Variants in MCMBP observed in about 807,000 individuals in gnomAD.
MCMBP encodes the protein mini-chromosome maintenance complex-binding protein.
MCMBP carries 31 observed loss-of-function variants against 81.3 expected under a neutral mutation model. The ratio of observed to expected loss-of-function variants is 0.38; its 90% CI spans 0.29 to 0.51. The LOEUF (loss-of-function observed/expected upper bound fraction) is 0.51. Among genes scored for constraint, MCMBP ranks in the 20% least tolerant of loss-of-function variants. The pLI, the probability that MCMBP is intolerant of heterozygous loss-of-function variation, is 0.87. For synonymous variants in MCMBP, 267 were observed against 275.9 expected, an observed-to-expected ratio of 0.97 and a Z score of 0.32; for missense variants, 645 against 772.1, an observed-to-expected ratio of 0.84 and a Z score of 1.95.
chr10:119,836,009 A>G (rs573691351), intron 13 of MCMBP, among the ~76,000 whole-genome samples: 1 of 152,096 alleles, frequency 6.6e-6, no homozygotes, highest in South Asian at 2.1e-4. Context: ...CTAATTTTGG[A>G]TTTTTTGTAG....
At chr10:119,835,457 C>T in intron 14 of MCMBP, 83 bp downstream of exon 14, 1 of 1,177,634 alleles carries the variant, frequency 8.5e-7, no homozygotes, top group Non-Finnish European at 1.2e-6. Context: ...ACAAAATTAC[C>T]TTATCAGTAA....
At chr10:119,837,267 T>C (rs1852281577) in intron 12 of MCMBP, among the ~76,000 whole-genome samples, 1 of 152,166 alleles carries the variant, frequency 6.6e-6, no homozygotes, top group Non-Finnish European at 1.5e-5. Flanking sequence ...GCATCTGGTA[T>C]GCACCTAGAC....
chr10:119,855,600 G>A (rs1173079161), intron 5 of MCMBP, among the ~76,000 whole-genome samples: 1 of 152,086 alleles, frequency 6.6e-6, no homozygotes, highest in East Asian at 1.9e-4. Flanking sequence ...GAACCTGGCA[G>A]GCTGAGGTTG....
At chr10:119,838,185 T>C (rs1308232087) in intron 12 of MCMBP, among the ~76,000 whole-genome samples, 3 of 150,328 alleles carry the variant, frequency 2.0e-5, no homozygotes, top group African/African-American at 7.3e-5. Context: ...TGCTCCATTA[T>C]ACTAATACTA....
intron 1 of MCMBP, among the ~76,000 whole-genome samples, chr10:119,869,359 G>A (rs1853584288): frequency 6.6e-6 from 1 of 152,186 alleles, no homozygotes; most frequent in African/African-American, 2.4e-5. Flanking sequence ...GGATCACTAG[G>A]TCAGGAGTTC....
chr10:119,858,218 T>C (rs1227903590), intron 4 of MCMBP: 1 of 152,238 alleles, frequency 6.6e-6, no homozygotes, highest in Non-Finnish European at 1.5e-5. Context: ...ATAAAATAGA[T>C]GAGGCTGTCC....
At chr10:119,868,270 A>G (rs566643772) in intron 1 of MCMBP, among the ~76,000 whole-genome samples, 4 of 152,256 alleles carry the variant, frequency 2.6e-5, no homozygotes, top group African/African-American at 9.6e-5. Context: ...TATTAAAAAT[A>G]GAAAAATTAG....
At position 119,831,549 on chromosome 10, in the gene MCMBP, C is replaced by A. The variant is rs372369238; in HGVS notation, c.1848G>T (p.Leu616=). 9.9e-6 allele frequency: 16 copies of A among 1,614,034 alleles called. No individual in the cohort carries two copies. In the African/African-American group the frequency reaches 1.5e-4, roughly 15 times the overall value. Residue 616 remains leucine (L), a synonymous_variant, in exon 16 of 16, where the codon CTG becomes CTT. Coordinates refer to ENST00000369077, the MANE Select transcript of MCMBP (RefSeq NM_001256378.2). The part of the protein sequence containing the change: ...GQTTLSRERW[L]RAKQLESLRR... ...TTAAAGACTCTAGCTGCTTTGCTCT[C>A]AGCCATCGTTCTCTTGACAGCGTTG...
In MCMBP at chr10:119,840,946, T is replaced by C. The variant is rs566072399; in HGVS notation, c.1139A>G (p.Asp380Gly). 3.8e-6 allele frequency: 6 copies of C among 1,597,708 alleles called. No individual in the cohort carries two copies. The Admixed American group carries it at 5.1e-5, about 13-fold the overall frequency. Residue 380 changes from aspartate (D) to glycine (G), a missense_variant, in exon 11 of 16, where the codon GAT becomes GGT. Physicochemically the swap from Asp to Gly is moderately conservative, Grantham distance 94. Coordinates refer to ENST00000369077, the MANE Select transcript of MCMBP (RefSeq NM_001256378.2). ...HLISTVYTRR[D>G]VLPLGKFTVN... ...TGTAAATTTTCCTAGTGGAAGGACA[T>C]CTCTTCTTGTATATCTAGAAAAGAA...
chr10:119,867,374 GTTGA>G (rs1033969783), intron 1 of MCMBP, among the ~76,000 whole-genome samples: 19 of 146,862 alleles, frequency 1.3e-4, no homozygotes, highest in Non-Finnish European at 2.5e-4. Flanking sequence ...ATACCATCAT[GTTGA>G]TTTTTTTTAA....
intron 1 of MCMBP, 97 bp from the exon 2 acceptor site, chr10:119,859,981 A>G: frequency 2.3e-6 from 2 of 860,536 alleles, no homozygotes; most frequent in Non-Finnish European, 3.6e-6. Flanking sequence ...TCAGCAAAAA[A>G]CAAACTAAAA....
Position 119,868,816 on chromosome 10 carries a change from T to G in MCMBP, c.58+3711A>C, listed in dbSNP as rs11813135. Among the ~76,000 whole-genome samples, 1,494 of 152,084 alleles carry G rather than the reference T, an allele frequency of 9.8e-3. 27 individuals carry two copies. The highest frequency in any genetic ancestry group is 0.035 in the African/African-American group (1,434 of 41,460). On this transcript the variant is annotated intron_variant, in intron 1 of 15. Coordinates refer to ENST00000369077, the MANE Select transcript of MCMBP (RefSeq NM_001256378.2). ...AGTGGACATGGGATGGGAGGGGGAA[T>G]CAGGCACAAGAAATCAGCAGATGCA...
chr10:119,833,476 CA>C (rs570174141), intron 14 of MCMBP, among the ~76,000 whole-genome samples: 125 of 84,918 alleles, frequency 1.5e-3, no homozygotes, highest in East Asian at 3.2e-3. Context: ...CTCATCACTA[CA>C]AAAAAAAAAA....
At chr10:119,846,244 CTGGGAAAATT>C (rs546701259) in intron 8 of MCMBP, among the ~76,000 whole-genome samples, 239 of 152,268 alleles carry the variant, frequency 1.6e-3, no homozygotes, top group African/African-American at 5.5e-3. Flanking sequence ...CTAGCCAAAT[CTGGGAAAATT>C]TGGGTCTCGA....
chr10:119,850,449 G>C (rs1034751361), intron 6 of MCMBP, among the ~76,000 whole-genome samples: 1 of 152,050 alleles, frequency 6.6e-6, no homozygotes, highest in Non-Finnish European at 1.5e-5. Context: ...CTACCTATGC[G>C]ATAAAACTGC....
At chr10:119,844,537 C>T (rs1400019702) in intron 8 of MCMBP, among the ~76,000 whole-genome samples, 1 of 152,188 alleles carries the variant, frequency 6.6e-6, no homozygotes, top group Non-Finnish European at 1.5e-5. Flanking sequence ...GTCAGGACTC[C>T]AACCCAGGCT....
At chr10:119,873,267 A>C (rs1280995161), upstream of MCMBP, among the ~76,000 whole-genome samples, 1 of 152,020 alleles carries the variant, frequency 6.6e-6, no homozygotes, top group Admixed American at 6.5e-5. Flanking sequence ...TGATGGCAGC[A>C]CTTTTATTTG....
rs1328916085 is a variant in MCMBP at position 119,831,969 on chromosome 10, C to T, written c.1796+43G>A. 2.6e-6 allele frequency: 4 copies of T among 1,550,538 alleles called. No homozygotes were observed. In the African/African-American group the frequency reaches 5.5e-5, roughly 21 times the overall value. ...TGCTGAATAACTCAGAAGACATATA[C>T]ACAAGCTTACCGAAACAGCAATAAT... is the stretch of plus-strand genomic sequence containing the variant. On this transcript the variant is annotated intron_variant, in intron 15 of 15. Transcript: ENST00000369077.
intron 6 of MCMBP, among the ~76,000 whole-genome samples, chr10:119,850,746 C>CT (rs1554903350): frequency 1.8e-4 from 2 of 11,154 alleles, no homozygotes; most frequent in South Asian, 3.8e-3. Flanking sequence ...AAGACTCCGT[C>CT]TAAAAAAAAA....
Sources: gnomAD v4.1 joint callset for allele counts (sites outside exome capture counted in the v4.1 genomes callset) on GRCh38, gnomAD v4.1.1 for gene constraint, MANE v1.5 for transcripts, NCBI Gene and HGNC (gene_info 2026-07-23, HGNC 2026-07-21) for gene names.